Variants in CNTNAP2 observed in about 807,000 individuals in gnomAD.
CNTNAP2 encodes contactin-associated protein-like 2.
CNTNAP2 carries 98 observed loss-of-function variants against 155.2 expected under a neutral mutation model. The ratio of observed to expected loss-of-function variants is 0.63; its 90% CI spans 0.54 to 0.75. The LOEUF is 0.75. CNTNAP2 is among the 30% of genes least tolerant of loss of function. CNTNAP2 has a pLI of 0.00. For synonymous variants in CNTNAP2, 651 were observed against 631.2 expected (o/e 1.03, Z -0.47); for missense variants, 1,727 against 1,688.1 (o/e 1.02, Z -0.40).
chr7:147,396,115 T>C (rs1796810306), intron 10 of CNTNAP2, among the ~76,000 whole-genome samples: 1 of 147,806 alleles, frequency 6.8e-6, no homozygotes, highest in African/African-American at 2.5e-5. Context: ...ATAGCATATA[T>C]GAGATATATT....
At chr7:148,064,768 G>C (rs1803223222) in intron 15 of CNTNAP2, among the ~76,000 whole-genome samples, 1 of 149,622 alleles carries the variant, frequency 6.7e-6, no homozygotes, top group Non-Finnish European at 1.5e-5. Context: ...ACTATCTTTT[G>C]TATTTTTGTT....
chr7:148,328,483 GTCTGTAGATT>G (rs1797929794), intron 21 of CNTNAP2, among the ~76,000 whole-genome samples: 1 of 130,296 alleles, frequency 7.7e-6, no homozygotes, highest in Non-Finnish European at 1.7e-5. Flanking sequence ...GCTGTTGTCT[GTCTGTAGATT>G]CCATCTCTTG....
chr7:148,108,057 A>G (rs1393713239), intron 15 of CNTNAP2, among the ~76,000 whole-genome samples: 2 of 152,106 alleles, frequency 1.3e-5, no homozygotes, highest in Non-Finnish European at 2.9e-5. Context: ...TCTAGCCACC[A>G]TCTCTTCCCC....
chr7:147,775,309 A>G (rs1304683751), intron 13 of CNTNAP2, among the ~76,000 whole-genome samples: 6 of 50,312 alleles, frequency 1.2e-4, no homozygotes, highest in Non-Finnish European at 1.8e-4. Context: ...ATATATTTAT[A>G]AATATATATA....
intron 1 of CNTNAP2, among the ~76,000 whole-genome samples, chr7:146,734,190 G>A (rs925855238): frequency 5.9e-5 from 9 of 152,040 alleles, no homozygotes; most frequent in Admixed American, 3.9e-4. Flanking sequence ...TCATAGGCTG[G>A]CAGCAGCTTA....
chr7:147,623,622 G>T lies in CNTNAP2; in HGVS notation c.1898-15484G>T, dbSNP rs148494210. ...GAGGAGAACACCAATAAGATGAAAAGGTATTTCATATTCATGAATTGAAAT... is the reference window on the plus strand; with the variant it reads ...GAGGAGAACACCAATAAGATGAAAATGTATTTCATATTCATGAATTGAAAT... On this transcript the variant is annotated intron_variant, in intron 12 of 23. Transcript: ENST00000361727. Among the ~76,000 whole-genome samples the T allele has an allele frequency of 6.2e-3, 933 of 151,692 alleles. 10 individuals are homozygous for T. The highest frequency in any genetic ancestry group is 0.01 in the Middle Eastern group (3 of 292).
rs574481097 is a variant in CNTNAP2 at position 148,171,830 on chromosome 7, T to G, written c.2774-412T>G. 2.0e-5 allele frequency among the ~76,000 whole-genome samples: 3 copies of G among 152,348 alleles called. No individual in the cohort carries two copies. In the South Asian group the frequency reaches 6.2e-4, roughly 32 times the overall value. On this transcript the variant is annotated intron_variant, in intron 17 of 23. Coordinates refer to ENST00000361727, the MANE Select transcript of CNTNAP2 (RefSeq NM_014141.6). Reference sequence around the variant, plus strand: ...TATGTCTTCCAACTAATTGACTTGTTAACTATGCTAATACATTCATGTCTC... The same window carrying G: ...TATGTCTTCCAACTAATTGACTTGTGAACTATGCTAATACATTCATGTCTC...
intron 2 of CNTNAP2, among the ~76,000 whole-genome samples, chr7:146,812,281 G>T (rs1803080004): frequency 6.6e-6 from 1 of 151,934 alleles, no homozygotes; most frequent in Non-Finnish European, 1.5e-5. Flanking sequence ...TGGAGATGAG[G>T]AACTCGCTGG....
intron 1 of CNTNAP2, among the ~76,000 whole-genome samples, chr7:146,330,398 C>G (rs565222481): frequency 6.6e-6 from 1 of 152,144 alleles, no homozygotes; most frequent in Non-Finnish European, 1.5e-5. Context: ...GTTCCTGTAT[C>G]TTTTTTGAAG....
chr7:146,747,127 T>C (rs1585071181), intron 1 of CNTNAP2, among the ~76,000 whole-genome samples: 1 of 152,286 alleles, frequency 6.6e-6, no homozygotes, highest in East Asian at 1.9e-4. Context: ...TAAGAAAACC[T>C]ATTAAATGAC....
Position 146,442,059 on chromosome 7 carries a change from G to A in CNTNAP2, c.97+325086G>A, listed in dbSNP as rs547328454. Among the ~76,000 whole-genome samples, 61 of 151,574 alleles carry A rather than the reference G, an allele frequency of 4.0e-4. 3 individuals carry two copies. Among genetic ancestry groups the A allele is most frequent in the African/African-American group, 1.5e-3 (60 of 40,980 alleles). ...TCTCTTGGAGGAGTACTTTCTCTGT[G>A]TAATTTTCAAATGTTGTTTGTGTAT... is the stretch of plus-strand genomic sequence containing the variant. On this transcript the variant is annotated intron_variant, in intron 1 of 23. Transcript: ENST00000361727.
At chr7:148,214,254 C>G (rs1795599927) in intron 18 of CNTNAP2, among the ~76,000 whole-genome samples, 1 of 152,196 alleles carries the variant, frequency 6.6e-6, no homozygotes, top group South Asian at 2.1e-4. Context: ...AGCATCGTGC[C>G]CAGGGTGCAG....
At chr7:147,699,345 C>T (rs1796204523) in intron 13 of CNTNAP2, among the ~76,000 whole-genome samples, 2 of 151,774 alleles carry the variant, frequency 1.3e-5, no homozygotes, top group Non-Finnish European at 1.5e-5. Context: ...CAAACTAACA[C>T]AGGAGCAGAA....
chr7:147,981,370 T>A (rs1001659174), intron 15 of CNTNAP2, among the ~76,000 whole-genome samples: 6 of 152,252 alleles, frequency 3.9e-5, no homozygotes, highest in African/African-American at 1.4e-4. Flanking sequence ...ATTATAGGGA[T>A]TACATTTATG....
intron 1 of CNTNAP2, among the ~76,000 whole-genome samples, chr7:146,162,583 G>A (rs1486772173): frequency 6.6e-6 from 1 of 152,200 alleles, no homozygotes; most frequent in Admixed American, 6.5e-5. Flanking sequence ...TTCAACCATT[G>A]TGGAAGACAG....
intron 3 of CNTNAP2, among the ~76,000 whole-genome samples, chr7:146,855,850 TATAC>T (rs1794971974): frequency 3.2e-5 from 3 of 94,076 alleles, no homozygotes; most frequent in East Asian, 3.3e-4. Flanking sequence ...TATATATATA[TATAC>T]ACACTTACAT....
intron 11 of CNTNAP2, among the ~76,000 whole-genome samples, chr7:147,549,370 T>C (rs1372702659): frequency 1.3e-5 from 2 of 152,140 alleles, no homozygotes; most frequent in Non-Finnish European, 2.9e-5. Context: ...TAATTGTGAG[T>C]GGGAGTTCAT....
intron 3 of CNTNAP2, among the ~76,000 whole-genome samples, chr7:146,861,146 C>T (rs560416310): frequency 9.9e-5 from 15 of 152,030 alleles, no homozygotes; most frequent in Middle Eastern, 3.4e-3. Context: ...CTGCAACCTC[C>T]GCCTCCCGGG....
At chr7:147,368,749 A>C (rs1251508487) in intron 9 of CNTNAP2, among the ~76,000 whole-genome samples, 1 of 152,208 alleles carries the variant, frequency 6.6e-6, no homozygotes, top group East Asian at 1.9e-4. Flanking sequence ...TTTGCCAATC[A>C]CATCTTTCTA....
Sources: allele counts gnomAD v4.1 joint callset (sites outside exome capture counted in the v4.1 genomes callset), GRCh38; gene constraint gnomAD v4.1.1; transcripts MANE v1.5; gene names NCBI Gene and HGNC (gene_info 2026-07-23, HGNC 2026-07-21).